The following ADGRB3 variants were observed in gnomAD, a reference collection of about 807,000 sequenced individuals.
The protein encoded by ADGRB3 is adhesion G protein-coupled receptor B3, also known as brain-specific angiogenesis inhibitor 3.
Under a neutral mutation model 193.4 loss-of-function variants are expected in ADGRB3, and 37 were observed. That is an observed-to-expected ratio of 0.19 (90% CI 0.15 to 0.25). The LOEUF is 0.25. Among genes scored for constraint, ADGRB3 ranks in the 10% least tolerant of loss-of-function variants. The probability of loss-of-function intolerance (pLI) is 1.00; values close to 1 mark genes in which losing one functional copy is unlikely to be tolerated. For missense variants in ADGRB3, 1,637 were observed against 1,852.9 expected (o/e 0.88, Z 2.14); for synonymous variants, 690 against 644.2 (o/e 1.07, Z -1.08).
intron 16 of ADGRB3, 33 bp from the exon 17 acceptor site, chr6:69,075,961 AG>A (rs1772217509): frequency 1.3e-6 from 2 of 1,541,094 alleles, no homozygotes; most frequent in African/African-American, 2.7e-5. Context: ...TATGTACTCA[AG>A]ATATATGCAT....
intron 3 of ADGRB3, among the ~76,000 whole-genome samples, chr6:68,752,615 C>G (rs1356766091): frequency 6.6e-6 from 1 of 152,032 alleles, no homozygotes; most frequent in East Asian, 1.9e-4. Context: ...CATACATTAG[C>G]AAGACTAAGA....
At chr6:68,790,068 A>G (rs185091456) in intron 3 of ADGRB3, among the ~76,000 whole-genome samples, 51 of 152,038 alleles carry the variant, frequency 3.4e-4, no homozygotes, top group South Asian at 2.9e-3. Flanking sequence ...TTTTTTTTCA[A>G]AGCTTTTAAC....
At chr6:68,915,536 G>A (rs1373967824) in intron 3 of ADGRB3, among the ~76,000 whole-genome samples, 1 of 152,212 alleles carries the variant, frequency 6.6e-6, no homozygotes, top group African/African-American at 2.4e-5. Flanking sequence ...AATTATTTTA[G>A]ACAGCTATAT....
At chr6:69,100,448 A>G (rs1773000399) in intron 17 of ADGRB3, among the ~76,000 whole-genome samples, 1 of 152,214 alleles carries the variant, frequency 6.6e-6, no homozygotes, top group African/African-American at 2.4e-5. Flanking sequence ...TAAGAGAGAC[A>G]GAGATAAAAA....
chr6:69,137,903 C>T (rs558147345), intron 17 of ADGRB3, among the ~76,000 whole-genome samples: 2 of 152,312 alleles, frequency 1.3e-5, no homozygotes, highest in Non-Finnish European at 1.5e-5. Flanking sequence ...AAATGTTTGG[C>T]AGAATGGCCT....
At chr6:68,775,209 TG>T (rs1313837954) in intron 3 of ADGRB3, among the ~76,000 whole-genome samples, 1 of 149,652 alleles carries the variant, frequency 6.7e-6, no homozygotes, top group Non-Finnish European at 1.5e-5. Context: ...AACTCCAGTC[TG>T]CATTTCCCAG....
chr6:69,081,384 A>G (rs768963622), intron 17 of ADGRB3, among the ~76,000 whole-genome samples: 15 of 152,012 alleles, frequency 9.9e-5, no homozygotes, highest in Non-Finnish European at 2.2e-4. Flanking sequence ...AAACTTTAGA[A>G]TGGTTCTTGG....
intron 3 of ADGRB3, among the ~76,000 whole-genome samples, chr6:68,852,375 T>C (rs1449231670): frequency 3.3e-5 from 5 of 151,924 alleles, no homozygotes; most frequent in African/African-American, 9.7e-5. Flanking sequence ...ATACATTAAG[T>C]AACATTGAAA....
intron 11 of ADGRB3, among the ~76,000 whole-genome samples, chr6:69,010,860 G>A (rs192565305): frequency 2.6e-5 from 4 of 151,648 alleles, no homozygotes; most frequent in African/African-American, 9.7e-5. Context: ...TTTATTTTAG[G>A]GATTGACATA....
intron 17 of ADGRB3, among the ~76,000 whole-genome samples, chr6:69,215,509 T>C (rs1386885312): frequency 6.6e-6 from 1 of 151,920 alleles, no homozygotes; most frequent in African/African-American, 2.4e-5. Flanking sequence ...GATATATCTC[T>C]ATAGATAATT....
At chr6:68,752,427 C>A (rs113901636) in intron 3 of ADGRB3, among the ~76,000 whole-genome samples, 2,944 of 152,018 alleles carry the variant, frequency 0.019, 43 homozygotes, top group South Asian at 0.03. Flanking sequence ...CAGGCGTGCA[C>A]CACCATGCCT....
intron 3 of ADGRB3, among the ~76,000 whole-genome samples, chr6:68,752,470 A>G (rs903332431): frequency 6.6e-6 from 1 of 151,748 alleles, no homozygotes; most frequent in Non-Finnish European, 1.5e-5. Context: ...GAGATGTTTC[A>G]CCATGTTGCC....
chr6:69,115,876 T>C (rs1052151318), intron 17 of ADGRB3, among the ~76,000 whole-genome samples: 5 of 152,208 alleles, frequency 3.3e-5, no homozygotes, highest in Non-Finnish European at 7.3e-5. Flanking sequence ...ATTATACAAA[T>C]GTTGCTTACA....
intron 3 of ADGRB3, 55 bp from the exon 4 acceptor site, chr6:68,930,504 A>G: frequency 8.2e-7 from 1 of 1,221,654 alleles, no homozygotes; most frequent in Admixed American, 2.0e-5. Context: ...ACAGTAATGT[A>G]ATTTGTGAGA....
intron 8 of ADGRB3, among the ~76,000 whole-genome samples, chr6:68,965,729 G>T (rs1181735283): frequency 2.0e-5 from 3 of 152,074 alleles, no homozygotes; most frequent in Non-Finnish European, 4.4e-5. Flanking sequence ...CTTTGCACTA[G>T]TAAGAGCAAA....
chr6:69,215,482 GTAGA>G (rs1406811090), intron 17 of ADGRB3, among the ~76,000 whole-genome samples: 7 of 147,394 alleles, frequency 4.7e-5, no homozygotes, highest in African/African-American at 1.8e-4. Context: ...GTGTGTGTGT[GTAGA>G]TAGATGTAGA....
chr6:68,900,784 C>T (rs1466827817), intron 3 of ADGRB3, among the ~76,000 whole-genome samples: 2 of 152,112 alleles, frequency 1.3e-5, no homozygotes, highest in African/African-American at 4.8e-5. Context: ...GGAGCATCAA[C>T]CAATTGAACC....
rs181948401 is a variant in ADGRB3 at position 68,911,230 on chromosome 6, A to G, written c.758-19329A>G. 5.1e-3 allele frequency among the ~76,000 whole-genome samples: 700 copies of G among 135,996 alleles called. 4 individuals are homozygous for G. The highest frequency in any genetic ancestry group is 0.019 in the African/African-American group (666 of 35,852). 89.2% of individuals were successfully genotyped at this position (135,996 alleles called of 152,430 possible). On this transcript the variant is annotated intron_variant, in intron 3 of 31. Transcript: ENST00000370598. ...GGAATTGAACAATGGGAAAACATGG[A>G]CACAGGAAGGGGAACATCACACACC...
intron 4 of ADGRB3, among the ~76,000 whole-genome samples, chr6:68,935,371 A>G (rs575660317): frequency 1.3e-5 from 2 of 152,316 alleles, no homozygotes; most frequent in Non-Finnish European, 2.9e-5. Context: ...ATAATTTTCA[A>G]GTCATTTACT....
Sources: gnomAD v4.1 joint callset for allele counts (sites outside exome capture counted in the v4.1 genomes callset) on GRCh38, gnomAD v4.1.1 for gene constraint, MANE v1.5 for transcripts, NCBI Gene and HGNC (gene_info 2026-07-23, HGNC 2026-07-21) for gene names.